CMIP: variants seen among roughly 807,000 people sequenced by gnomAD.
The protein encoded by CMIP is C-Maf-inducing protein.
Under a neutral mutation model 97.3 loss-of-function variants are expected in CMIP, and 13 were observed. The observed-to-expected ratio is 0.13, with a 90% CI of 0.09 to 0.21. CMIP has a LOEUF of 0.21. Among genes scored for constraint, CMIP ranks in the 10% least tolerant of loss-of-function variants. The probability of loss-of-function intolerance (pLI) is 1.00; values close to 1 mark genes in which losing one functional copy is unlikely to be tolerated. For synonymous variants in CMIP, 538 were observed against 436.3 expected (o/e 1.23, Z -2.91); for missense variants, 847 against 1,024.9 (o/e 0.83, Z 2.37).
At chr16:81,479,741 A>C (rs973445802) in intron 1 of CMIP, among the ~76,000 whole-genome samples, 2 of 152,122 alleles carry the variant, frequency 1.3e-5, no homozygotes, top group African/African-American at 4.8e-5. Context: ...TAGTTCCAAA[A>C]CATCGTCACC....
intron 1 of CMIP, among the ~76,000 whole-genome samples, chr16:81,528,150 TAA>T (rs1269382055): frequency 6.6e-6 from 1 of 152,262 alleles, no homozygotes; most frequent in African/African-American, 2.4e-5. Flanking sequence ...AACTTTTCTT[TAA>T]GTCTGAAATT....
At chr16:81,606,367 C>G (rs1355413951) in intron 1 of CMIP, among the ~76,000 whole-genome samples, 2 of 152,124 alleles carry the variant, frequency 1.3e-5, no homozygotes, top group East Asian at 1.9e-4. Flanking sequence ...GGGAGGTGTT[C>G]GCTGTTATTC....
At chr16:81,669,162 T>C (rs1476959266) in intron 7 of CMIP, among the ~76,000 whole-genome samples, 3 of 75,584 alleles carry the variant, frequency 4.0e-5, no homozygotes, top group Admixed American at 1.3e-4. Flanking sequence ...TCCACACCCC[T>C]CTCACCTCCT....
At position 81,693,451 on chromosome 16, in the gene CMIP, C is replaced by T. The variant is rs766388851; in HGVS notation, c.1494C>T (p.Tyr498=). The T allele has an allele frequency of 3.9e-5, 63 of 1,612,378 alleles. No individual in the cohort carries two copies. Among genetic ancestry groups the T allele is most frequent in the East Asian group, 6.7e-5 (3 of 44,882 alleles). ...TCGTCTCTTCCAGGGAACTGAAGTA[C>T]GTGATTCAGAGGTTCGCCGAAGACC... The part of the protein sequence containing the change: ...AHEKFTKELK[Y]VIQRFAEDPR... The change falls in exon 13 of 21, where the codon TAC becomes TAT. Residue 498 remains tyrosine (Y), a synonymous_variant. Transcript: ENST00000537098.
At position 81,469,674 on chromosome 16, in the gene CMIP, G is replaced by C. The variant is rs1221118324; in HGVS notation, c.300+24133G>C. Among the ~76,000 whole-genome samples the C allele has an allele frequency of 2.6e-5, 4 of 152,212 alleles. No homozygotes were observed. In the East Asian group the frequency reaches 7.7e-4, roughly 29 times the overall value. On this transcript the variant is annotated intron_variant, in intron 1 of 20. Transcript: ENST00000537098. Reference sequence around the variant, plus strand: ...GCTTTGCCTGAACTGTGGATTCACAGTTCTTCAGAGAACTCACTATGTGTG... The same window carrying C: ...GCTTTGCCTGAACTGTGGATTCACACTTCTTCAGAGAACTCACTATGTGTG...
chr16:81,670,474 T>A (rs1187272313), intron 8 of CMIP, among the ~76,000 whole-genome samples: 3 of 151,994 alleles, frequency 2.0e-5, no homozygotes, highest in African/African-American at 4.8e-5. Flanking sequence ...GTGCCACATG[T>A]TTAGGACTCT....
chr16:81,691,221 G>C (rs140128744), intron 10 of CMIP, among the ~76,000 whole-genome samples: 1 of 152,182 alleles, frequency 6.6e-6, no homozygotes, highest in Admixed American at 6.5e-5. Context: ...TGTGGGCAGG[G>C]CTGGTTTCTC....
At chr16:81,680,339 T>C (rs1904746319) in intron 10 of CMIP, among the ~76,000 whole-genome samples, 1 of 152,224 alleles carries the variant, frequency 6.6e-6, no homozygotes, top group Non-Finnish European at 1.5e-5. Context: ...CCTGGTGAGC[T>C]GGAGAAATGG....
intron 1 of CMIP, among the ~76,000 whole-genome samples, chr16:81,496,746 C>A (rs1212619835): frequency 6.6e-6 from 1 of 152,232 alleles, no homozygotes; most frequent in Non-Finnish European, 1.5e-5. Context: ...GACCCTGGAC[C>A]CCTGGGAACA....
intron 1 of CMIP, among the ~76,000 whole-genome samples, chr16:81,465,803 G>A (rs917585174): frequency 6.6e-6 from 1 of 152,214 alleles, no homozygotes; most frequent in Admixed American, 6.5e-5. Context: ...GGCTCAGACA[G>A]CAGGGCCCTG....
At chr16:81,447,429 C>T (rs929263895) in intron 1 of CMIP, among the ~76,000 whole-genome samples, 7 of 152,046 alleles carry the variant, frequency 4.6e-5, no homozygotes, top group African/African-American at 4.8e-5. Context: ...GAGGCTAATG[C>T]CTCCCCACTT....
At chr16:81,455,428 G>A (rs1906486733) in intron 1 of CMIP, among the ~76,000 whole-genome samples, 1 of 152,238 alleles carries the variant, frequency 6.6e-6, no homozygotes, top group Admixed American at 6.5e-5. Context: ...CTAGTTGGGA[G>A]GTCCGTCCTG....
intron 1 of CMIP, among the ~76,000 whole-genome samples, chr16:81,473,488 T>C (rs1181389330): frequency 7.3e-5 from 4 of 55,054 alleles, no homozygotes; most frequent in African/African-American, 1.6e-4. Context: ...AAAATAGGTC[T>C]TTTTTTTTTT....
intron 11 of CMIP, among the ~76,000 whole-genome samples, chr16:81,692,648 C>T (rs1010875436): frequency 2.0e-5 from 3 of 152,168 alleles, no homozygotes; most frequent in African/African-American, 7.2e-5. Context: ...TACTTGAGGC[C>T]GGAGAAATCC....
At chr16:81,596,278 G>C (rs1031753997) in intron 1 of CMIP, among the ~76,000 whole-genome samples, 15 of 151,986 alleles carry the variant, frequency 9.9e-5, no homozygotes, top group Non-Finnish European at 2.1e-4. Context: ...AGCCAAGGTG[G>C]GCAGATCACT....
chr16:81,675,994 C>T (rs1373216128), intron 9 of CMIP, among the ~76,000 whole-genome samples: 1 of 152,168 alleles, frequency 6.6e-6, no homozygotes, highest in Non-Finnish European at 1.5e-5. Context: ...GGAGAGTCCA[C>T]AGTGGGTTGT....
chr16:81,703,776 C>T (rs1379667173), intron 17 of CMIP, 163 bp from the exon 18 acceptor site: 3 of 935,286 alleles, frequency 3.2e-6, no homozygotes, highest in Non-Finnish European at 4.6e-6. Flanking sequence ...CCCCTTGGCC[C>T]ATCCCACCGA....
intron 1 of CMIP, among the ~76,000 whole-genome samples, chr16:81,513,212 G>C (rs191103644): frequency 1.3e-5 from 2 of 152,262 alleles, no homozygotes; most frequent in South Asian, 2.1e-4. Flanking sequence ...TCGAGTTTTC[G>C]TAGAGCGGGG....
chr16:81,466,683 A>G (rs915833750), intron 1 of CMIP, among the ~76,000 whole-genome samples: 3 of 152,332 alleles, frequency 2.0e-5, no homozygotes, highest in East Asian at 1.9e-4. Flanking sequence ...ATGCCATCCA[A>G]TTGATTGGTG....
Sources: allele counts gnomAD v4.1 joint callset (sites outside exome capture counted in the v4.1 genomes callset), GRCh38; gene constraint gnomAD v4.1.1; transcripts MANE v1.5; gene names NCBI Gene and HGNC (gene_info 2026-07-23, HGNC 2026-07-21).